Variants in SLC2A5 observed in about 807,000 individuals in gnomAD.
SLC2A5 encodes the protein solute carrier family 2, facilitated glucose transporter member 5.
A neutral mutation model predicts 50.3 loss-of-function variants in SLC2A5; 56 were observed. The ratio of observed to expected loss-of-function variants is 1.11; its 90% CI spans 0.90 to 1.39. The LOEUF is 1.39. SLC2A5 is among the 40% of genes most tolerant of loss of function. The pLI is 0.00. For missense variants in SLC2A5, 566 were observed against 650.1 expected, an observed-to-expected ratio of 0.87 and a Z score of 1.41; for synonymous variants, 269 against 281.9, an observed-to-expected ratio of 0.95 and a Z score of 0.46.
chr1:9,060,598 C>G (rs2124422832), intron 1 of SLC2A5, among the ~76,000 whole-genome samples: 1 of 126,898 alleles, frequency 7.9e-6, no homozygotes, highest in Admixed American at 8.6e-5. Flanking sequence ...CACACATAGG[C>G]AGAAATACAC....
rs1445787696 is a variant in SLC2A5 at position 9,041,814 on chromosome 1, C to T, written c.542G>A (p.Gly181Asp). The change falls in exon 5 of 12, where the codon GGT becomes GAT. Residue 181 changes from glycine (G) to aspartate (D), a missense_variant. Physicochemically the swap from Gly to Asp is moderately conservative, Grantham distance 94. Transcript: ENST00000377424. Reference protein sequence around the residue: ...TVGILVAQIFGLRNLLANVDG... With the variant: ...TVGILVAQIFDLRNLLANVDG... ...TACGTTTGCAAGGAGATTCCGAAGA[C>T]CAAAGATCTGGGCCACAAGGATGCC... 6.2e-7 allele frequency: 1 copy of T among 1,614,048 alleles called. No homozygotes were observed. Among genetic ancestry groups the T allele is most frequent in the Non-Finnish European group, 8.5e-7 (1 of 1,180,012 alleles).
chr1:9,090,561 G>T (rs1230719194), upstream of SLC2A5, among the ~76,000 whole-genome samples: 1 of 152,156 alleles, frequency 6.6e-6, no homozygotes, highest in Non-Finnish European at 1.5e-5. Context: ...CTCCGCTTTT[G>T]TTCCTGTTTA....
At position 9,039,831 on chromosome 1, in the gene SLC2A5, A is replaced by G. The variant is rs760704672; in HGVS notation, c.854T>C (p.Met285Thr). Residue 285 changes from methionine (M) to threonine (T), a missense_variant, in exon 7 of 12, where the codon ATG (methionine) becomes ACG (threonine). By Grantham distance (81) the Met-to-Thr change is moderately conservative (BLOSUM62 -1). Coordinates refer to ENST00000377424, the MANE Select transcript of SLC2A5 (RefSeq NM_003039.3). ...GACGCCCGACAGCTGCTGGCCGCCC[A>G]TGAGGACGATGATGGACAGCAGCTG... ...RWQLLSIIVL[M>T]GGQQLSGVNA... The G allele has an allele frequency of 1.2e-5, 19 of 1,603,570 alleles. No homozygotes were observed. The highest frequency in any genetic ancestry group is 2.2e-5 in the South Asian group (2 of 90,324).
rs1641266785 is a variant in SLC2A5, at chr1:9,040,284, G to C, written c.572-95C>G. Reference sequence around the variant, plus strand: ...GCCCCAGCCCCGTCATCCTGAGTGGGGTGCAGGCTCCAGGAGGGCACAGCT... The same window carrying C: ...GCCCCAGCCCCGTCATCCTGAGTGGCGTGCAGGCTCCAGGAGGGCACAGCT... On this transcript the variant is annotated intron_variant, in intron 5 of 11. Coordinates refer to ENST00000377424, the MANE Select transcript of SLC2A5 (RefSeq NM_003039.3). This position sits in a 1 kb window ranked among gnomAD's most constrained non-coding sequence, Gnocchi z 4.3. The C allele has an allele frequency of 4.9e-6, 7 of 1,439,508 alleles. No homozygotes were observed. Among genetic ancestry groups the C allele is most frequent in the Non-Finnish European group, 6.5e-6 (7 of 1,083,402 alleles). 89.2% of individuals were successfully genotyped at this position (1,439,508 alleles called of 1,614,324 possible).
rs534732492 is a variant in SLC2A5, at chr1:9,083,441, T to C, written c.-59+1573A>G. Among the ~76,000 whole-genome samples the C allele has an allele frequency of 9.3e-4, 141 of 152,196 alleles. 1 individual carries two copies. Among genetic ancestry groups the C allele is most frequent in the Non-Finnish European group, 1.7e-3 (119 of 68,030 alleles). The stretch of plus-strand genomic sequence containing the variant: ...AGTAGGGGCCCTGAAAAACAGGATG[T>C]GGGCCAAGCTGGCTAAGGCCGACTG... On this transcript the variant is annotated intron_variant, in intron 2 of 5. Transcript: ENST00000464985.
chr1:9,051,918 T>A (rs1641587449), intron 3 of SLC2A5, among the ~76,000 whole-genome samples: 2 of 152,130 alleles, frequency 1.3e-5, no homozygotes, highest in Non-Finnish European at 2.9e-5. Context: ...ACCGATAAAG[T>A]GTGGTACAAC....
upstream of SLC2A5, among the ~76,000 whole-genome samples, chr1:9,074,364 G>A (rs1642257965): frequency 6.6e-6 from 1 of 152,114 alleles, no homozygotes; most frequent in Admixed American, 6.6e-5. Context: ...TGATTTTGAG[G>A]GCGTCGATAT....
chr1:9,078,053 A>G (rs944605425), intron 2 of SLC2A5, among the ~76,000 whole-genome samples: 1 of 152,172 alleles, frequency 6.6e-6, no homozygotes. Context: ...AGGATTATCC[A>G]CTAGTTTTCT....
upstream of SLC2A5, among the ~76,000 whole-genome samples, chr1:9,070,481 A>G (rs1329678067): frequency 6.6e-6 from 1 of 152,094 alleles, no homozygotes; most frequent in Non-Finnish European, 1.5e-5. Flanking sequence ...ACCCCTTTCC[A>G]GGCAGGGCAG....
At chr1:9,054,369 A>G (rs1641700667) in intron 3 of SLC2A5, among the ~76,000 whole-genome samples, 1 of 152,232 alleles carries the variant, frequency 6.6e-6, no homozygotes, top group African/African-American at 2.4e-5. Flanking sequence ...CAAGGTCAAC[A>G]TTGTAGAGAT....
chr1:9,058,296 G>C, intron 1 of SLC2A5, 46 bp from the exon 2 acceptor site: 1 of 1,343,768 alleles, frequency 7.4e-7, no homozygotes. Flanking sequence ...CAGGGTTCCA[G>C]GGCCCTCCCG....
At chr1:9,053,387 A>ATATATTATATATATT (rs1641659525) in intron 3 of SLC2A5, among the ~76,000 whole-genome samples, 5 of 30,300 alleles carry the variant, frequency 1.7e-4, no homozygotes, top group Non-Finnish European at 3.2e-4. Flanking sequence ...ATATATATTT[A>ATATATTATATATATT]TATATATTAT....
At chr1:9,039,016 T>C in intron 8 of SLC2A5, 87 bp from the exon 9 acceptor site, 1 of 1,488,478 alleles carries the variant, frequency 6.7e-7, no homozygotes, top group South Asian at 1.2e-5. Flanking sequence ...TGAGGAGAGC[T>C]GGGCGGACCG....
chr1:9,059,856 G>GT (rs1286698627), intron 1 of SLC2A5, among the ~76,000 whole-genome samples: 2 of 151,942 alleles, frequency 1.3e-5, no homozygotes. Flanking sequence ...CTTGAGAGAG[G>GT]TAAGTGAGGA....
Position 9,040,343 on chromosome 1 carries a change from G to T in SLC2A5, c.572-154C>A. Reference sequence around the variant, plus strand: ...CCTAAGAACAGCAACTCCCGACGGTGGACACTCGGGAAACACCTGCAGCAG... The same window carrying T: ...CCTAAGAACAGCAACTCCCGACGGTTGACACTCGGGAAACACCTGCAGCAG... On this transcript the variant is annotated intron_variant, in intron 5 of 11. Coordinates refer to ENST00000377424, the MANE Select transcript of SLC2A5 (RefSeq NM_003039.3). This position sits in a 1 kb window ranked among gnomAD's most constrained non-coding sequence, Gnocchi z 4.3. The T allele has an allele frequency of 1.1e-6, 1 of 880,814 alleles. No individual in the cohort carries two copies. Among genetic ancestry groups the T allele is most frequent in the Non-Finnish European group, 1.7e-6 (1 of 594,094 alleles). The allele number at this position is 880,814 out of a possible 1,614,324, so 54.6% of individuals were successfully genotyped here.
chr1:9,037,541 T>C lies in SLC2A5; in HGVS notation c.*45A>G. 1 of 1,542,802 alleles carries C rather than the reference T, an allele frequency of 6.5e-7. No individual in the cohort carries two copies. The highest frequency in any genetic ancestry group is 1.1e-5 in the South Asian group (1 of 89,058). ...TAGAAGTCAGAAAAATAAGCCAAAGTGGGAAGCCCCTGGCAGACCAGCTCC... is the reference window on the plus strand; with the variant it reads ...TAGAAGTCAGAAAAATAAGCCAAAGCGGGAAGCCCCTGGCAGACCAGCTCC... On this transcript the variant is annotated 3_prime_UTR_variant, in exon 12 of 12. Transcript: ENST00000377424.
At position 9,039,549 on chromosome 1, in the gene SLC2A5, C is replaced by G; in HGVS notation, c.996+3G>C. On this transcript the variant is annotated splice_donor_region_variant and intron_variant, in intron 8 of 11. Transcript: ENST00000377424. ...GGCTGTGGGCAGCTCCCAGGACACT[C>G]ACGGCGCAGAAGGTCATGACCACGT... 4 of 1,561,244 alleles carry G rather than the reference C, an allele frequency of 2.6e-6. No individual in the cohort carries two copies. The highest frequency in any genetic ancestry group is 3.5e-6 in the Non-Finnish European group (4 of 1,153,170).
intron 4 of SLC2A5, among the ~76,000 whole-genome samples, chr1:9,043,723 CTT>C (rs201866196): frequency 4.9e-5 from 7 of 142,124 alleles, no homozygotes; most frequent in Non-Finnish European, 4.6e-5. Context: ...AGCAAAGTGG[CTT>C]TTTTTTTTTT....
At position 9,039,556 on chromosome 1, in the gene SLC2A5, CAGA is replaced by C; in HGVS notation, c.989_991del (p.Phe330del). On this transcript the variant is annotated inframe_deletion, in exon 8 of 12. Coordinates refer to ENST00000377424, the MANE Select transcript of SLC2A5 (RefSeq NM_003039.3). ...GGCAGCTCCCAGGACACTCACGGCG[CAGA>C]AGGTCATGACCACGTTCACGGCCCC... 6.4e-7 allele frequency: 1 copy of C among 1,568,892 alleles called. No homozygotes were observed. Among genetic ancestry groups the C allele is most frequent in the Non-Finnish European group, 8.6e-7 (1 of 1,157,874 alleles).
Sources: allele counts gnomAD v4.1 joint callset (sites outside exome capture counted in the v4.1 genomes callset), GRCh38; gene constraint gnomAD v4.1.1; non-coding constraint Gnocchi (gnomAD v3.1); transcripts MANE v1.5; gene names NCBI Gene and HGNC (gene_info 2026-07-23, HGNC 2026-07-21).